Variants in PRIMPOL observed in about 807,000 individuals in gnomAD.
PRIMPOL encodes the protein primase and DNA directed polymerase.
A neutral mutation model predicts 63.6 loss-of-function variants in PRIMPOL; 54 were observed. The observed-to-expected ratio is 0.85, with a 90% CI of 0.68 to 1.07. The LOEUF (loss-of-function observed/expected upper bound fraction) is 1.07. PRIMPOL is among the 50% of genes least tolerant of loss of function. PRIMPOL has a pLI of 0.00. For synonymous variants in PRIMPOL, 197 were observed against 220.2 expected, an observed-to-expected ratio of 0.89 and a Z score of 0.93; for missense variants, 610 against 648.3, an observed-to-expected ratio of 0.94 and a Z score of 0.64.
At chr4:184,673,320 G>A (rs1338449081) in intron 7 of PRIMPOL, among the ~76,000 whole-genome samples, 1 of 151,576 alleles carries the variant, frequency 6.6e-6, no homozygotes, top group Non-Finnish European at 1.5e-5. Context: ...TAGTAGAGAC[G>A]GGGTTTCACC....
chr4:184,693,551 T>C (rs10015956), intron 13 of PRIMPOL, among the ~76,000 whole-genome samples: 27,364 of 152,140 alleles, frequency 0.18, 2,790 homozygotes, highest in African/African-American at 0.27. Flanking sequence ...AAAACAAATA[T>C]TTTAAATTAC....
chr4:184,668,430 C>T (rs574691761), intron 6 of PRIMPOL, among the ~76,000 whole-genome samples: 96 of 152,390 alleles, frequency 6.3e-4, no homozygotes, highest in Middle Eastern at 3.4e-3. Flanking sequence ...TCGCTGCCTT[C>T]AGGCAAAAGC....
chr4:184,663,672 G>C (rs1749028538), intron 5 of PRIMPOL, among the ~76,000 whole-genome samples: 1 of 152,170 alleles, frequency 6.6e-6, no homozygotes, highest in Non-Finnish European at 1.5e-5. Flanking sequence ...TTCTGCATCA[G>C]CAAAACTGTT....
In PRIMPOL at chr4:184,694,537, ACAGATGAAG is replaced by A. The variant is rs145762735; in HGVS notation, c.1450_1458del (p.Ala484_Glu486del). The stretch of plus-strand genomic sequence containing the variant: ...TGAAATAAAGGAAGAAGAGTTTACA[ACAGATGAAG>A]CAGATGAAACTAGGAGCAATGAAAC... On this transcript the variant is annotated inframe_deletion, in exon 14 of 14. Transcript: ENST00000314970. 0.011 allele frequency: 17,205 copies of A among 1,613,116 alleles called. 1,460 individuals carry two copies. The African/African-American group carries it at 0.19, about 18-fold the overall frequency.
At chr4:184,672,491 A>T (rs1159523998) in intron 7 of PRIMPOL, 31 bp downstream of exon 7, 9 of 1,571,672 alleles carry the variant, frequency 5.7e-6, no homozygotes, top group Non-Finnish European at 7.8e-6. Flanking sequence ...TCTCCATCAG[A>T]CCGCCCTGGT....
chr4:184,672,809 C>T (rs576185291), intron 7 of PRIMPOL, among the ~76,000 whole-genome samples: 2 of 152,200 alleles, frequency 1.3e-5, no homozygotes, highest in African/African-American at 2.4e-5. Context: ...AAAACAGACT[C>T]GGTATAAAAG....
intron 4 of PRIMPOL, among the ~76,000 whole-genome samples, chr4:184,661,177 A>G (rs1748211190): frequency 6.6e-6 from 1 of 152,204 alleles, no homozygotes; most frequent in Admixed American, 6.5e-5. Flanking sequence ...GAGGTATTAC[A>G]CAATATCAAA....
intron 11 of PRIMPOL, 198 bp from the exon 12 acceptor site, chr4:184,691,301 C>T (rs1242115858): frequency 3.0e-5 from 15 of 501,234 alleles, no homozygotes; most frequent in South Asian, 1.6e-4. Context: ...TCAGTATCTA[C>T]TTTTTGCCCT....
At chr4:184,673,589 T>C (rs1406245477) in intron 7 of PRIMPOL, among the ~76,000 whole-genome samples, 1 of 151,366 alleles carries the variant, frequency 6.6e-6, no homozygotes. Context: ...CACGCCCAGC[T>C]AATTTTTGTA....
intron 9 of PRIMPOL, among the ~76,000 whole-genome samples, chr4:184,684,449 CT>C (rs1473671403): frequency 9.3e-4 from 3 of 3,210 alleles, no homozygotes; most frequent in Non-Finnish European, 1.5e-3. Context: ...GAGCAAGACT[CT>C]GTCTCAAGAA....
In PRIMPOL at chr4:184,691,500, A is replaced by C. The variant is rs1440611208; in HGVS notation, c.1297A>C (p.Ile433Leu). 2.6e-6 allele frequency: 4 copies of C among 1,555,982 alleles called. No individual in the cohort carries two copies. The highest frequency in any genetic ancestry group is 3.5e-6 in the Non-Finnish European group (4 of 1,136,272). ...TTTTTTTTTTTTTTAAACATAAAGG[A>C]TTCTGGTTGATCTGAAAAATGAAGT... ...GRAHKSNNIM[I>L]LVDLKNEVWY... Residue 433 changes from isoleucine to leucine, a missense_variant and splice_region_variant, in exon 12 of 14, where the codon ATT (isoleucine) becomes CTT (leucine). Coordinates refer to ENST00000314970, the MANE Select transcript of PRIMPOL (RefSeq NM_152683.4).
intron 6 of PRIMPOL, 84 bp from the exon 7 acceptor site, chr4:184,672,089 T>C: frequency 7.9e-7 from 1 of 1,258,032 alleles, no homozygotes; most frequent in Non-Finnish European, 1.1e-6. Context: ...CTGTGTAAAA[T>C]TGTCATATGT....
chr4:184,688,239 A>G, intron 11 of PRIMPOL, among the ~76,000 whole-genome samples: 1 of 152,178 alleles, frequency 6.6e-6, no homozygotes, highest in East Asian at 1.9e-4. Flanking sequence ...TAGATCATAA[A>G]TTGTTTTCCC....
In PRIMPOL at chr4:184,657,184, G is replaced by A. The variant is rs373690976; in HGVS notation, c.44G>A (p.Arg15Gln). The A allele has an allele frequency of 3.1e-6, 5 of 1,610,726 alleles. No homozygotes were observed. The highest frequency in any genetic ancestry group is 1.3e-5 in the African/African-American group (1 of 74,758). Reference protein sequence around the residue: ...WEAKLKQIEERASHYERKPLS... With the variant: ...WEAKLKQIEEQASHYERKPLS... ...GCAAAACTGAAGCAAATTGAAGAAC[G>A]AGCATCTCATTATGAGAGGAAACCG... Residue 15 changes from arginine to glutamine, a missense_variant, in exon 3 of 14, where the codon CGA becomes CAA. Physicochemically the swap from Arg to Gln is conservative, Grantham distance 43. Transcript: ENST00000314970.
At chr4:184,671,890 A>ACCCG (rs1751791984) in intron 6 of PRIMPOL, among the ~76,000 whole-genome samples, 1 of 151,168 alleles carries the variant, frequency 6.6e-6, no homozygotes, top group Non-Finnish European at 1.5e-5. Context: ...TTACAGGCGC[A>ACCCG]CCACCACGCC....
intron 6 of PRIMPOL, among the ~76,000 whole-genome samples, chr4:184,670,668 C>T (rs181047971): frequency 6.6e-6 from 1 of 152,016 alleles, no homozygotes; most frequent in East Asian, 1.9e-4. Flanking sequence ...CTTGCCTCAG[C>T]CTCCAGGTAG....
Position 184,694,653 on chromosome 4 carries a change from T to G in PRIMPOL, c.1557T>G (p.Asp519Glu), listed in dbSNP as rs1760114947. ...CTGTCTGGGATAATGGCATTGATGA[T>G]GCTTATTTTTTAGAAGCTACTGAAG... is the stretch of plus-strand genomic sequence containing the variant. Reference protein sequence around the residue: ...ADAVWDNGIDDAYFLEATEDA... With the variant: ...ADAVWDNGIDEAYFLEATEDA... The change falls in exon 14 of 14, where the codon GAT becomes GAG. Residue 519 changes from aspartate to glutamate, a missense_variant. Asp to Glu is a conservative substitution (Grantham distance 45, BLOSUM62 2). Around this residue, in one of 3 missense-constraint regions of PRIMPOL, gnomAD observed 444 missense variants for 456.4 expected, o/e 0.97. Transcript: ENST00000314970. 1 of 1,614,182 alleles carries G rather than the reference T, an allele frequency of 6.2e-7. No individual in the cohort carries two copies. Among genetic ancestry groups the G allele is most frequent in the Non-Finnish European group, 8.5e-7 (1 of 1,180,028 alleles).
intron 6 of PRIMPOL, among the ~76,000 whole-genome samples, chr4:184,669,018 T>C (rs556524138): frequency 6.6e-6 from 1 of 152,294 alleles, no homozygotes; most frequent in South Asian, 2.1e-4. Context: ...CTTGGGCCTT[T>C]GCACTTGCTG....
chr4:184,682,868 A>G (rs1247143054), intron 9 of PRIMPOL, among the ~76,000 whole-genome samples: 1 of 150,274 alleles, frequency 6.7e-6, no homozygotes, highest in Non-Finnish European at 1.5e-5. Context: ...TGAGCAACTT[A>G]GCAAAACCCT....
Sources: allele counts gnomAD v4.1 joint callset (sites outside exome capture counted in the v4.1 genomes callset), GRCh38; gene constraint gnomAD v4.1.1; regional missense constraint gnomAD v4.1.1; transcripts MANE v1.5; gene names NCBI Gene and HGNC (gene_info 2026-07-23, HGNC 2026-07-21).